Variants in SLC35F3 observed in about 807,000 individuals in gnomAD.
SLC35F3 encodes the protein solute carrier family 35 member F3.
A neutral mutation model predicts 49.9 loss-of-function variants in SLC35F3; 25 were observed. That is an observed-to-expected ratio of 0.50 (90% confidence interval 0.37 to 0.70). SLC35F3 has a LOEUF of 0.70. Ranked by LOEUF, SLC35F3 falls within the 30% of genes least tolerant of loss-of-function variation. The pLI, the probability that SLC35F3 is intolerant of heterozygous loss-of-function variation, is 0.00. For synonymous variants in SLC35F3, 275 were observed against 265.4 expected (o/e 1.04, Z -0.35); for missense variants, 525 against 639.8 (o/e 0.82, Z 1.94).
chr1:233,985,898 G>A (rs1663259371), intron 2 of SLC35F3, among the ~76,000 whole-genome samples: 1 of 152,182 alleles, frequency 6.6e-6, no homozygotes, highest in Non-Finnish European at 1.5e-5. Flanking sequence ...CGTTCTTGTT[G>A]TAGCTTTTAA....
intron 3 of SLC35F3, among the ~76,000 whole-genome samples, chr1:234,297,055 C>T (rs1433621390): frequency 6.6e-6 from 1 of 152,156 alleles, no homozygotes; most frequent in Non-Finnish European, 1.5e-5. Context: ...TGAAAAGATG[C>T]TCAGCATCAC....
chr1:233,989,985 T>A (rs1338119509), intron 2 of SLC35F3, among the ~76,000 whole-genome samples: 1 of 152,170 alleles, frequency 6.6e-6, no homozygotes, highest in Non-Finnish European at 1.5e-5. Flanking sequence ...GTCGTGAGTA[T>A]CTGTGTCAAA....
chr1:234,163,597 G>A (rs1398548376), intron 2 of SLC35F3, among the ~76,000 whole-genome samples: 1 of 152,180 alleles, frequency 6.6e-6, no homozygotes, highest in Non-Finnish European at 1.5e-5. Context: ...TGCAGACTGG[G>A]GCTGCTATGC....
At chr1:234,288,412 T>C (rs557428777) in intron 3 of SLC35F3, among the ~76,000 whole-genome samples, 68 of 152,338 alleles carry the variant, frequency 4.5e-4, no homozygotes, top group African/African-American at 1.4e-3. Flanking sequence ...ACTCTTATGG[T>C]TTAGAGACTA....
chr1:234,231,892 G>A lies in SLC35F3; in HGVS notation c.608+151G>A, dbSNP rs1667385292. On this transcript the variant is annotated intron_variant, in intron 3 of 7. Coordinates refer to ENST00000366618, the MANE Select transcript of SLC35F3 (RefSeq NM_173508.4). This position sits in a 1 kb window ranked among gnomAD's most constrained non-coding sequence, Gnocchi z 5.4. Reference sequence around the variant, plus strand: ...AGTGAATGCACCTGCTCTCAGTGGGGTCGGGAGCAGAATTCTGTCTACCCT... The same window carrying A: ...AGTGAATGCACCTGCTCTCAGTGGGATCGGGAGCAGAATTCTGTCTACCCT... The A allele has an allele frequency of 1.3e-6, 1 of 743,164 alleles. No homozygotes were observed. The highest frequency in any genetic ancestry group is 1.8e-5 in the African/African-American group (1 of 56,274). 46.0% of individuals were successfully genotyped at this position (743,164 alleles called of 1,614,324 possible).
intron 3 of SLC35F3, among the ~76,000 whole-genome samples, chr1:234,278,326 C>T (rs776689136): frequency 6.6e-6 from 1 of 152,056 alleles, no homozygotes; most frequent in Non-Finnish European, 1.5e-5. Flanking sequence ...CCCATTGCTA[C>T]CAAAAATACA....
chr1:234,008,997 A>G (rs1663673340), intron 2 of SLC35F3, among the ~76,000 whole-genome samples: 3 of 152,140 alleles, frequency 2.0e-5, no homozygotes, highest in Admixed American at 2.0e-4. Context: ...ACTCACCTAC[A>G]CAGATTACAT....
At chr1:234,303,987 T>C (rs1329858000) in intron 3 of SLC35F3, among the ~76,000 whole-genome samples, 1 of 151,686 alleles carries the variant, frequency 6.6e-6, no homozygotes, top group African/African-American at 2.4e-5. Context: ...TCTGGTTTAA[T>C]CTCCTAATTT....
chr1:234,316,064 T>A (rs912525084), intron 4 of SLC35F3, among the ~76,000 whole-genome samples: 1 of 152,232 alleles, frequency 6.6e-6, no homozygotes, highest in Non-Finnish European at 1.5e-5. Context: ...ACATTATTTG[T>A]AGCCTTGATT....
At chr1:233,935,336 G>C (rs1662306935) in intron 2 of SLC35F3, among the ~76,000 whole-genome samples, 1 of 151,578 alleles carries the variant, frequency 6.6e-6, no homozygotes, top group Non-Finnish European at 1.5e-5. Flanking sequence ...CAGGCCATTA[G>C]TGGAAGGTTG....
At position 234,064,474 on chromosome 1, in the gene SLC35F3, A is replaced by G. The variant is rs188288981; in HGVS notation, c.283+158716A>G. Among the ~76,000 whole-genome samples, 8 of 152,212 alleles carry G rather than the reference A, an allele frequency of 5.3e-5. No individual in the cohort carries two copies. The East Asian group carries it at 1.5e-3, about 29-fold the overall frequency. ...GTGGAGTCACCAGAATTCCACTCCA[A>G]CTCTGTAAGCAAGATGTTTTCCTAG... On this transcript the variant is annotated intron_variant, in intron 2 of 7. Coordinates refer to ENST00000366618, the MANE Select transcript of SLC35F3 (RefSeq NM_173508.4).
intron 2 of SLC35F3, among the ~76,000 whole-genome samples, chr1:234,143,288 C>CTTTTCTTTTTTTT (rs1478216426): frequency 2.6e-4 from 32 of 123,508 alleles, no homozygotes; most frequent in East Asian, 1.8e-3. Context: ...CTTTTCTTTT[C>CTTTTCTTTTTTTT]TTTTTTTTTT....
intron 2 of SLC35F3, among the ~76,000 whole-genome samples, chr1:234,177,506 A>G (rs759283785): frequency 6.6e-6 from 1 of 152,210 alleles, no homozygotes; most frequent in Non-Finnish European, 1.5e-5. Flanking sequence ...CTAGGGGTTC[A>G]TGGACAGGCT....
intron 3 of SLC35F3, among the ~76,000 whole-genome samples, chr1:234,267,484 T>C (rs1214422788): frequency 1.4e-4 from 19 of 131,082 alleles, no homozygotes; most frequent in Middle Eastern, 4.4e-3. Flanking sequence ...ACCTCCCGGA[T>C]GGGGCGGCTG....
chr1:234,018,546 T>C (rs1175040522), intron 2 of SLC35F3, among the ~76,000 whole-genome samples: 1 of 152,160 alleles, frequency 6.6e-6, no homozygotes, highest in Non-Finnish European at 1.5e-5. Flanking sequence ...CAGTAATGGA[T>C]AAAAAGACCA....
chr1:233,958,169 T>C (rs777399542), intron 2 of SLC35F3, among the ~76,000 whole-genome samples: 9 of 152,240 alleles, frequency 5.9e-5, no homozygotes, highest in Non-Finnish European at 8.8e-5. Context: ...TATTTTATGT[T>C]TCTAATTTTT....
At chr1:233,936,588 CTCTTCTTCCCTG>C (rs1306792126) in intron 2 of SLC35F3, among the ~76,000 whole-genome samples, 1 of 151,226 alleles carries the variant, frequency 6.6e-6, no homozygotes, top group African/African-American at 2.4e-5. Flanking sequence ...CTTCCTCCTC[CTCTTCTTCCCTG>C]TCTTCTTCCT....
At position 234,172,650 on chromosome 1, in the gene SLC35F3, A is replaced by G. The variant is rs532786055; in HGVS notation, c.284-58767A>G. 3.5e-4 allele frequency among the ~76,000 whole-genome samples: 54 copies of G among 152,372 alleles called. No homozygotes were observed. The South Asian group carries it at 7.9e-3, about 22-fold the overall frequency. On this transcript the variant is annotated intron_variant, in intron 2 of 7. Transcript: ENST00000366618. ...GCGAGCACTCACAAACCTAGATGGT[A>G]TAGCCTACTATACACCTAGGCTATA...
chr1:234,271,636 A>G (rs1299713815), intron 3 of SLC35F3, among the ~76,000 whole-genome samples: 2 of 152,236 alleles, frequency 1.3e-5, no homozygotes, highest in Non-Finnish European at 2.9e-5. Flanking sequence ...ATAATAATAC[A>G]TTTGCCGAAA....
Sources: gnomAD v4.1 joint callset for allele counts (sites outside exome capture counted in the v4.1 genomes callset) on GRCh38, gnomAD v4.1.1 for gene constraint, Gnocchi (gnomAD v3.1) non-coding constraint, MANE v1.5 for transcripts, NCBI Gene and HGNC (gene_info 2026-07-23, HGNC 2026-07-21) for gene names.